Variants in FRAS1 observed in about 807,000 individuals in gnomAD.
The protein encoded by FRAS1 is Fraser extracellular matrix complex subunit 1.
In FRAS1, 290 loss-of-function variants were observed where a neutral mutation model predicts 435.2. The observed-to-expected ratio is 0.67, with a 90% CI of 0.61 to 0.73. The LOEUF is 0.73. FRAS1 is among the 30% of genes least tolerant of loss of function. The pLI, the probability that FRAS1 is intolerant of heterozygous loss-of-function variation, is 0.00. For synonymous variants in FRAS1, 1,800 were observed against 1,851.0 expected (o/e 0.97, Z 0.71); for missense variants, 4,860 against 5,001.5 (o/e 0.97, Z 0.85).
At chr4:78,454,906 T>G (rs1197463178) in intron 47 of FRAS1, among the ~76,000 whole-genome samples, 1 of 152,202 alleles carries the variant, frequency 6.6e-6, no homozygotes, top group Non-Finnish European at 1.5e-5. Context: ...GGCCAGTAGG[T>G]GATCATGCTT....
chr4:78,183,673 A>C (rs565549929), intron 2 of FRAS1, among the ~76,000 whole-genome samples: 2 of 150,542 alleles, frequency 1.3e-5, no homozygotes, highest in African/African-American at 4.9e-5. Flanking sequence ...AGTTCTGGGC[A>C]TGAGGTATGG....
chr4:78,376,359 G>A (rs1396377087), intron 26 of FRAS1, among the ~76,000 whole-genome samples: 1 of 152,120 alleles, frequency 6.6e-6, no homozygotes, highest in Non-Finnish European at 1.5e-5. Context: ...GCATGTGAGT[G>A]TACTGAATAC....
intron 72 of FRAS1, 69 bp downstream of exon 72, chr4:78,537,269 T>G: frequency 7.8e-6 from 11 of 1,401,786 alleles, no homozygotes; most frequent in Non-Finnish European, 9.8e-7. Context: ...CTATGACTTC[T>G]GCCTAAAGTA....
intron 2 of FRAS1, among the ~76,000 whole-genome samples, chr4:78,223,717 AG>A (rs1161784003): frequency 2.0e-5 from 3 of 152,208 alleles, no homozygotes; most frequent in Non-Finnish European, 4.4e-5. Flanking sequence ...ATAGCACTTC[AG>A]ATAACTATTT....
Position 78,212,825 on chromosome 4 carries a change from A to T in FRAS1, c.109-24685A>T, listed in dbSNP as rs527769821. ...AATAAGTTCTGGAATGGAAATTGAT[A>T]TATAAGTGTTTTATTGGAGAGTGTT... On this transcript the variant is annotated intron_variant, in intron 2 of 73. Transcript: ENST00000512123. Among the ~76,000 whole-genome samples, 74 of 152,350 alleles carry T rather than the reference A, an allele frequency of 4.9e-4. 1 individual carries two copies. Among genetic ancestry groups the T allele is most frequent in the African/African-American group, 1.8e-3 (73 of 41,594 alleles).
At chr4:78,190,884 A>T (rs2110063448) in intron 2 of FRAS1, among the ~76,000 whole-genome samples, 1 of 152,350 alleles carries the variant, frequency 6.6e-6, no homozygotes, top group East Asian at 1.9e-4. Context: ...GCCTTTACAG[A>T]AGTAATTAAG....
At chr4:78,333,147 T>C (rs1436688312) in intron 18 of FRAS1, 125 bp from the exon 19 acceptor site, 1 of 1,097,970 alleles carries the variant, frequency 9.1e-7, no homozygotes, top group Non-Finnish European at 1.2e-6. Flanking sequence ...CAGCCTGTCA[T>C]TGGGAAAACC....
At chr4:78,534,718 A>T in intron 71 of FRAS1, 103 bp downstream of exon 71, 1 of 1,068,820 alleles carries the variant, frequency 9.4e-7, no homozygotes, top group Non-Finnish European at 1.4e-6. Flanking sequence ...CTCAGTCACC[A>T]CCCCAGTAAA....
At chr4:78,305,077 G>T (rs1728639201) in intron 14 of FRAS1, among the ~76,000 whole-genome samples, 1 of 152,106 alleles carries the variant, frequency 6.6e-6, no homozygotes, top group Non-Finnish European at 1.5e-5. Flanking sequence ...GTTCTCATTG[G>T]TTTCAAAGAA....
intron 32 of FRAS1, among the ~76,000 whole-genome samples, chr4:78,413,768 T>A (rs1245554455): frequency 6.6e-6 from 1 of 152,166 alleles, no homozygotes; most frequent in Non-Finnish European, 1.5e-5. Context: ...ACAGAAAGCC[T>A]CGTATGCTGG....
At chr4:78,181,689 C>T in intron 2 of FRAS1, 2 of 1,609,812 alleles carry the variant, frequency 1.2e-6, no homozygotes, top group South Asian at 1.1e-5. Flanking sequence ...ATTTTCCCCT[C>T]ACCCTGAAGT....
chr4:78,059,022 C>T (rs1334261118), intron 1 of FRAS1, among the ~76,000 whole-genome samples: 1 of 152,218 alleles, frequency 6.6e-6, no homozygotes, highest in East Asian at 1.9e-4. Context: ...CAGCGCCTGG[C>T]TCTCGGCTTC....
At chr4:78,447,909 T>C (rs1578330688) in intron 43 of FRAS1, 144 bp from the exon 44 acceptor site, 2 of 647,558 alleles carry the variant, frequency 3.1e-6, no homozygotes, top group South Asian at 2.3e-5. Context: ...ATATGTAAAA[T>C]GCTAAGCTGT....
intron 14 of FRAS1, among the ~76,000 whole-genome samples, chr4:78,302,664 T>C (rs1372110785): frequency 3.3e-5 from 5 of 152,122 alleles, no homozygotes; most frequent in Middle Eastern, 3.2e-3. Context: ...TTTTGAGAAA[T>C]GTCTGTTCAT....
intron 2 of FRAS1, among the ~76,000 whole-genome samples, chr4:78,173,765 A>AT (rs1264655040): frequency 6.6e-6 from 1 of 152,194 alleles, no homozygotes; most frequent in Non-Finnish European, 1.5e-5. Flanking sequence ...GCACTATGTG[A>AT]TTTTTTAAGA....
intron 2 of FRAS1, among the ~76,000 whole-genome samples, chr4:78,198,941 T>C (rs956805665): frequency 5.9e-5 from 9 of 152,262 alleles, no homozygotes; most frequent in Non-Finnish European, 1.2e-4. Context: ...TGACTGTTTA[T>C]ATTATCAGTA....
chr4:78,292,775 C>G (rs1262209897), intron 14 of FRAS1, among the ~76,000 whole-genome samples: 1 of 152,166 alleles, frequency 6.6e-6, no homozygotes, highest in Non-Finnish European at 1.5e-5. Flanking sequence ...TTGCAACATA[C>G]CCCAGGATTG....
At chr4:78,101,425 C>T (rs1742124886) in intron 2 of FRAS1, among the ~76,000 whole-genome samples, 1 of 152,122 alleles carries the variant, frequency 6.6e-6, no homozygotes, top group African/African-American at 2.4e-5. Flanking sequence ...AAAAATGCAA[C>T]TACTTGGTAT....
intron 2 of FRAS1, among the ~76,000 whole-genome samples, chr4:78,075,725 G>C (rs938248600): frequency 1.3e-5 from 2 of 152,208 alleles, no homozygotes; most frequent in African/African-American, 4.8e-5. Context: ...TTGGAATATA[G>C]TAAATAGATG....
Sources: gnomAD v4.1 joint callset for allele counts (sites outside exome capture counted in the v4.1 genomes callset) on GRCh38, gnomAD v4.1.1 for gene constraint, MANE v1.5 for transcripts, NCBI Gene and HGNC (gene_info 2026-07-23, HGNC 2026-07-21) for gene names.